TSPAN18: variants seen among roughly 807,000 people sequenced by gnomAD.
The protein encoded by TSPAN18 is tetraspanin 18, also known as tetraspanin-18.
In TSPAN18, 14 loss-of-function variants were observed where a neutral mutation model predicts 27.3. The ratio of observed to expected loss-of-function variants is 0.51; its 90% CI spans 0.34 to 0.80. The LOEUF is 0.80. Ranked by LOEUF, TSPAN18 falls within the 30% of genes least tolerant of loss-of-function variation. TSPAN18 has a pLI of 0.01. For missense variants in TSPAN18, 268 were observed against 323.9 expected (o/e 0.83, Z 1.32); for synonymous variants, 143 against 136.5 (o/e 1.05, Z -0.33).
At chr11:44,728,094 A>G (rs1854561769) in intron 1 of TSPAN18, among the ~76,000 whole-genome samples, 2 of 152,204 alleles carry the variant, frequency 1.3e-5, no homozygotes, top group African/African-American at 2.4e-5. Flanking sequence ...TCCAGGACGC[A>G]GGGACCACAG....
At chr11:44,851,303 C>T (rs1857594607) in intron 2 of TSPAN18, among the ~76,000 whole-genome samples, 1 of 152,208 alleles carries the variant, frequency 6.6e-6, no homozygotes, top group African/African-American at 2.4e-5. Flanking sequence ...TGTCACACTT[C>T]CCACTTCCTA....
At chr11:44,838,737 G>A (rs1399010230) in intron 2 of TSPAN18, among the ~76,000 whole-genome samples, 2 of 152,142 alleles carry the variant, frequency 1.3e-5, no homozygotes, top group Non-Finnish European at 2.9e-5. Flanking sequence ...GCAAGGAAAA[G>A]TTTCTCCCCT....
intron 2 of TSPAN18, among the ~76,000 whole-genome samples, chr11:44,812,383 CTCCT>C (rs1208113756): frequency 6.6e-6 from 1 of 152,186 alleles, no homozygotes; most frequent in African/African-American, 2.4e-5. Context: ...TGCCCTTTCC[CTCCT>C]TCCTTCCTGC....
chr11:44,790,513 A>G (rs1314897743), intron 2 of TSPAN18, among the ~76,000 whole-genome samples: 3 of 123,480 alleles, frequency 2.4e-5, no homozygotes, highest in South Asian at 2.5e-4. Flanking sequence ...TTGTGTGTGC[A>G]TGTGTTTTTG....
intron 1 of TSPAN18, among the ~76,000 whole-genome samples, chr11:44,739,877 G>A (rs556908451): frequency 3.3e-5 from 5 of 152,288 alleles, no homozygotes; most frequent in East Asian, 3.9e-4. Flanking sequence ...GCTATTCACC[G>A]AAGCCATGGA....
chr11:44,858,061 C>G (rs1049971079), intron 2 of TSPAN18, among the ~76,000 whole-genome samples: 1 of 152,238 alleles, frequency 6.6e-6, no homozygotes, highest in Non-Finnish European at 1.5e-5. Context: ...AGTTACCTAG[C>G]TTCTCCAGTC....
intron 3 of TSPAN18, among the ~76,000 whole-genome samples, chr11:44,875,539 G>A (rs1019368300): frequency 1.3e-5 from 2 of 152,192 alleles, no homozygotes; most frequent in Admixed American, 6.5e-5. Flanking sequence ...CTCTCATTAC[G>A]AAATGGAATT....
chr11:44,773,360 G>T (rs1251010392), intron 2 of TSPAN18, among the ~76,000 whole-genome samples: 2 of 152,008 alleles, frequency 1.3e-5, no homozygotes. Context: ...AGGTTGTGAT[G>T]AGCTGAGATT....
intron 1 of TSPAN18, among the ~76,000 whole-genome samples, chr11:44,738,821 T>G (rs2134815393): frequency 6.6e-6 from 1 of 152,332 alleles, no homozygotes; most frequent in Middle Eastern, 3.4e-3. Flanking sequence ...CGGTAACATC[T>G]TCTAATTCAG....
intron 2 of TSPAN18, among the ~76,000 whole-genome samples, chr11:44,792,608 G>A (rs79845419): frequency 0.13 from 20,474 of 152,190 alleles, 1,726 homozygotes; most frequent in Middle Eastern, 0.2. Context: ...AGGAGCCGGG[G>A]CCTCTCCATC....
intron 2 of TSPAN18, among the ~76,000 whole-genome samples, chr11:44,782,587 G>A (rs2134956029): frequency 6.6e-6 from 1 of 151,434 alleles, no homozygotes; most frequent in South Asian, 2.1e-4. Context: ...TGACTGCCAA[G>A]CTGTTTTCCA....
intron 2 of TSPAN18, among the ~76,000 whole-genome samples, chr11:44,840,430 G>T (rs1292701927): frequency 1.3e-5 from 2 of 152,184 alleles, no homozygotes; most frequent in South Asian, 2.1e-4. Context: ...AGGTGATCTT[G>T]CTTAATACTC....
At chr11:44,889,488 G>GTC (rs1052987896) in intron 3 of TSPAN18, among the ~76,000 whole-genome samples, 1 of 152,238 alleles carries the variant, frequency 6.6e-6, no homozygotes, top group African/African-American at 2.4e-5. Context: ...AGAGAATAAA[G>GTC]TCTCCATTCC....
At chr11:44,788,021 C>G (rs565093103) in intron 2 of TSPAN18, among the ~76,000 whole-genome samples, 1 of 152,302 alleles carries the variant, frequency 6.6e-6, no homozygotes, top group South Asian at 2.1e-4. Context: ...TATCATTATC[C>G]CCATTTTGCA....
chr11:44,739,361 C>T (rs1313157429), intron 1 of TSPAN18, among the ~76,000 whole-genome samples: 4 of 152,166 alleles, frequency 2.6e-5, no homozygotes. Context: ...GTGGCTCATG[C>T]CTGTTAATCC....
chr11:44,838,232 A>C (rs1857302346), intron 2 of TSPAN18, among the ~76,000 whole-genome samples: 1 of 152,210 alleles, frequency 6.6e-6, no homozygotes, highest in East Asian at 1.9e-4. Context: ...GAGGCCTCAC[A>C]ATCATGGCAG....
intron 3 of TSPAN18, among the ~76,000 whole-genome samples, chr11:44,881,613 C>T (rs1467689347): frequency 6.6e-6 from 1 of 152,204 alleles, no homozygotes; most frequent in African/African-American, 2.4e-5. Context: ...TACATCTCCG[C>T]CACCTGTAGC....
chr11:44,876,882 T>C (rs4755907), intron 3 of TSPAN18, among the ~76,000 whole-genome samples: 28,905 of 152,090 alleles, frequency 0.19, 3,659 homozygotes, highest in Non-Finnish European at 0.29. Context: ...AGAATTGTCT[T>C]CTGGAAGCAG....
At chr11:44,900,311 C>T (rs2135308493) in intron 3 of TSPAN18, among the ~76,000 whole-genome samples, 1 of 152,296 alleles carries the variant, frequency 6.6e-6, no homozygotes, top group South Asian at 2.1e-4. Context: ...GATCAAATGG[C>T]ATAGGTGGTG....
Sources: allele counts gnomAD v4.1 joint callset (sites outside exome capture counted in the v4.1 genomes callset), GRCh38; gene constraint gnomAD v4.1.1; transcripts MANE v1.5; gene names NCBI Gene and HGNC (gene_info 2026-07-23, HGNC 2026-07-21).